Variants in ATF7IP observed in about 807,000 individuals in gnomAD.
The protein encoded by ATF7IP is activating transcription factor 7-interacting protein 1.
A neutral mutation model predicts 106.4 loss-of-function variants in ATF7IP; 23 were observed. The observed-to-expected ratio is 0.22, with a 90% CI of 0.16 to 0.31. ATF7IP has a LOEUF of 0.31. Ranked by LOEUF, ATF7IP falls within the 10% of genes least tolerant of loss-of-function variation. ATF7IP has a pLI of 1.00. For missense variants in ATF7IP, 1,334 were observed against 1,524.3 expected (o/e 0.88, Z 2.08); for synonymous variants, 542 against 539.0 (o/e 1.01, Z -0.08).
chr12:14,446,820 A>G (rs1467940779), intron 5 of ATF7IP, among the ~76,000 whole-genome samples, 168 bp from the exon 6 acceptor site: 1 of 151,754 alleles, frequency 6.6e-6, no homozygotes, highest in Non-Finnish European at 1.5e-5. Context: ...TCATAACTGT[A>G]TTTTCCAAGT....
intron 3 of ATF7IP, 61 bp from the exon 4 acceptor site, chr12:14,436,045 A>G: frequency 6.6e-7 from 1 of 1,517,884 alleles, no homozygotes; most frequent in East Asian, 2.3e-5. Context: ...AGGATGGATA[A>G]TATGCATTAA....
chr12:14,377,517 G>T (rs1176511729), intron 1 of ATF7IP, among the ~76,000 whole-genome samples: 2 of 149,194 alleles, frequency 1.3e-5, no homozygotes, highest in Non-Finnish European at 3.0e-5. Context: ...CACCATGCCC[G>T]GCTAATTGTT....
chr12:14,454,310 A>C (rs1323395777), intron 6 of ATF7IP, among the ~76,000 whole-genome samples: 1 of 152,054 alleles, frequency 6.6e-6, no homozygotes, highest in Non-Finnish European at 1.5e-5. Flanking sequence ...CTGTTGTATT[A>C]GTGCTTCCCC....
chr12:14,481,249 A>G (rs1944418984), intron 13 of ATF7IP, 64 bp downstream of exon 13: 1 of 1,555,898 alleles, frequency 6.4e-7, no homozygotes, highest in African/African-American at 1.4e-5. Flanking sequence ...TTTAGTTGGA[A>G]TGGCATATAA....
chr12:14,447,670 T>A (rs1283823777), intron 6 of ATF7IP, among the ~76,000 whole-genome samples: 2 of 152,220 alleles, frequency 1.3e-5, no homozygotes, highest in Non-Finnish European at 2.9e-5. Context: ...TCTTTCATTT[T>A]GCATTCTTGT....
intron 1 of ATF7IP, among the ~76,000 whole-genome samples, chr12:14,366,184 C>T (rs927803499): frequency 6.6e-6 from 1 of 152,238 alleles, no homozygotes; most frequent in Non-Finnish European, 1.5e-5. Flanking sequence ...ATGTTGTACT[C>T]CTGGGCCGAC....
intron 1 of ATF7IP, among the ~76,000 whole-genome samples, chr12:14,388,739 G>C (rs540121823): frequency 5.3e-4 from 80 of 152,158 alleles, no homozygotes; most frequent in African/African-American, 1.9e-3. Context: ...CCACTTCCTG[G>C]GTTCAAACAA....
chr12:14,389,408 TAGTCTGGCTG>T (rs1475391276), intron 1 of ATF7IP, among the ~76,000 whole-genome samples: 6 of 152,334 alleles, frequency 3.9e-5, no homozygotes, highest in Admixed American at 3.9e-4. Context: ...GTTTTGGGTA[TAGTCTGGCTG>T]AGTTCTTCAA....
chr12:14,450,043 A>G (rs922783423), intron 6 of ATF7IP, among the ~76,000 whole-genome samples: 1 of 152,064 alleles, frequency 6.6e-6, no homozygotes, highest in South Asian at 2.1e-4. Context: ...ATCCTGCAAC[A>G]TTGCTGAGTT....
intron 1 of ATF7IP, among the ~76,000 whole-genome samples, chr12:14,409,740 T>TAATC (rs1940802672): frequency 6.6e-6 from 1 of 152,022 alleles, no homozygotes; most frequent in Admixed American, 6.6e-5. Flanking sequence ...ACCACCAATA[T>TAATC]AATCACAGAT....
chr12:14,469,114 T>C (rs2136760503), intron 10 of ATF7IP, among the ~76,000 whole-genome samples: 1 of 152,244 alleles, frequency 6.6e-6, no homozygotes, highest in South Asian at 2.1e-4. Context: ...CTTACACCTA[T>C]AATCCCAGCA....
intron 2 of ATF7IP, among the ~76,000 whole-genome samples, chr12:14,430,853 A>G (rs545262373): frequency 1.3e-5 from 2 of 152,356 alleles, no homozygotes; most frequent in Non-Finnish European, 1.5e-5. Flanking sequence ...ATTTGTTTAC[A>G]TGTCACATAG....
chr12:14,496,037 C>T (rs573964468), intron 13 of ATF7IP, among the ~76,000 whole-genome samples, 194 bp from the exon 14 acceptor site: 1 of 152,060 alleles, frequency 6.6e-6, no homozygotes, highest in Non-Finnish European at 1.5e-5. Flanking sequence ...TTAGTGCTTG[C>T]ATGTAAGAAA....
intron 9 of ATF7IP, 123 bp from the exon 10 acceptor site, chr12:14,466,403 T>A: frequency 1.4e-6 from 1 of 736,320 alleles, no homozygotes; most frequent in Non-Finnish European, 2.3e-6. Flanking sequence ...GAGTTTTTAT[T>A]TATGTATGTG....
chr12:14,428,417 C>A (rs977653820), intron 2 of ATF7IP, among the ~76,000 whole-genome samples: 1 of 152,092 alleles, frequency 6.6e-6, no homozygotes, highest in Non-Finnish European at 1.5e-5. Flanking sequence ...TATTTTGTAT[C>A]TTTTCCCCTT....
chr12:14,372,241 C>G (rs948628024), intron 1 of ATF7IP, among the ~76,000 whole-genome samples: 4 of 151,958 alleles, frequency 2.6e-5, no homozygotes, highest in African/African-American at 9.7e-5. Context: ...TTGTTGAAAA[C>G]AAAGAAAATT....
intron 14 of ATF7IP, among the ~76,000 whole-genome samples, chr12:14,496,856 A>T (rs1386365660): frequency 1.3e-5 from 2 of 152,166 alleles, no homozygotes; most frequent in Non-Finnish European, 2.9e-5. Context: ...TCAGTGTTTG[A>T]CTGGTATGAA....
intron 1 of ATF7IP, among the ~76,000 whole-genome samples, chr12:14,372,897 A>G (rs1173686234): frequency 4.6e-5 from 7 of 152,178 alleles, no homozygotes; most frequent in Non-Finnish European, 8.8e-5. Context: ...TTTGATTTGT[A>G]TGTTAGAATA....
chr12:14,391,124 T>C (rs2136435064), intron 1 of ATF7IP, among the ~76,000 whole-genome samples: 1 of 152,368 alleles, frequency 6.6e-6, no homozygotes, highest in Admixed American at 6.5e-5. Flanking sequence ...GTGATTGTTT[T>C]TTAATTGCTC....
Sources: gnomAD v4.1 joint callset for allele counts (sites outside exome capture counted in the v4.1 genomes callset) on GRCh38, gnomAD v4.1.1 for gene constraint, MANE v1.5 for transcripts, NCBI Gene and HGNC (gene_info 2026-07-23, HGNC 2026-07-21) for gene names.